The following CSMD1 variants were observed in gnomAD, a reference collection of about 807,000 sequenced individuals.
CSMD1 encodes the protein CUB and sushi domain-containing protein 1.
CSMD1 carries 213 observed loss-of-function variants against 417.5 expected under a neutral mutation model. The observed-to-expected ratio is 0.51, with a 90% CI of 0.46 to 0.57. The LOEUF is 0.57. CSMD1 is among the 20% of genes least tolerant of loss of function. The pLI is 0.00. For synonymous variants in CSMD1, 2,862 were observed against 1,736.8 expected (o/e 1.65, Z -16.11); for missense variants, 6,923 against 4,529.7 (o/e 1.53, Z -15.17).
intron 2 of CSMD1, among the ~76,000 whole-genome samples, chr8:4,620,127 A>G (rs1484146826): frequency 6.6e-6 from 1 of 151,848 alleles, no homozygotes; most frequent in African/African-American, 2.4e-5. Context: ...AGGAGTATAC[A>G]TTTTTCCCTT....
chr8:3,653,622 C>G (rs11995067), intron 7 of CSMD1, among the ~76,000 whole-genome samples: 4 of 152,110 alleles, frequency 2.6e-5, no homozygotes, highest in African/African-American at 7.2e-5. Context: ...TATGGGGATT[C>G]TAAATCATTC....
At chr8:4,214,932 T>C (rs1399373744) in intron 3 of CSMD1, among the ~76,000 whole-genome samples, 1 of 152,194 alleles carries the variant, frequency 6.6e-6, no homozygotes. Context: ...AGCTCACTTT[T>C]AATGAGCACA....
chr8:4,108,998 T>A (rs954053826), intron 3 of CSMD1, among the ~76,000 whole-genome samples: 3 of 152,206 alleles, frequency 2.0e-5, no homozygotes, highest in South Asian at 2.1e-4. Flanking sequence ...CTGGAAAGGA[T>A]TGGTTTCAGG....
intron 5 of CSMD1, among the ~76,000 whole-genome samples, chr8:3,770,838 A>G (rs747922014): frequency 7.2e-5 from 11 of 152,188 alleles, no homozygotes; most frequent in Admixed American, 6.5e-4. Context: ...AAGAAAAGAT[A>G]AAGGAGGAAA....
intron 10 of CSMD1, among the ~76,000 whole-genome samples, chr8:3,561,268 C>A (rs1173624704): frequency 2.0e-5 from 3 of 152,172 alleles, no homozygotes; most frequent in Admixed American, 6.5e-5. Context: ...CTTCACTCAG[C>A]AATTCTACTA....
At chr8:4,785,270 G>C (rs1485401655) in intron 1 of CSMD1, among the ~76,000 whole-genome samples, 1 of 152,188 alleles carries the variant, frequency 6.6e-6, no homozygotes, top group Non-Finnish European at 1.5e-5. Flanking sequence ...ATTGGCAAAG[G>C]TGATTTTCAT....
intron 3 of CSMD1, among the ~76,000 whole-genome samples, chr8:4,262,442 C>A (rs1282638440): frequency 6.6e-6 from 1 of 152,188 alleles, no homozygotes; most frequent in Non-Finnish European, 1.5e-5. Context: ...CTTTCATGTT[C>A]CCCGCGCAGT....
intron 3 of CSMD1, among the ~76,000 whole-genome samples, chr8:4,406,841 TATTAAA>T (rs1805059253): frequency 6.6e-6 from 1 of 152,240 alleles, no homozygotes; most frequent in African/African-American, 2.4e-5. Flanking sequence ...ACAGCAAAAC[TATTAAA>T]ATGTCCACTG....
intron 49 of CSMD1, among the ~76,000 whole-genome samples, chr8:3,072,082 A>G (rs1314320399): frequency 6.6e-6 from 1 of 152,240 alleles, no homozygotes; most frequent in African/African-American, 2.4e-5. Context: ...TTAGAAGAAA[A>G]TCAATAGTAC....
chr8:3,123,105 G>C (rs1817301270), intron 41 of CSMD1, among the ~76,000 whole-genome samples: 1 of 152,184 alleles, frequency 6.6e-6, no homozygotes, highest in African/African-American at 2.4e-5. Flanking sequence ...TGAAAAACTA[G>C]ATGCTTAGAA....
chr8:3,801,833 G>A (rs1024322610), intron 5 of CSMD1, among the ~76,000 whole-genome samples: 1 of 151,980 alleles, frequency 6.6e-6, no homozygotes, highest in African/African-American at 2.4e-5. Context: ...GAATACTGAG[G>A]GACCAGAATC....
At chr8:3,708,756 A>C (rs1333120768) in intron 6 of CSMD1, among the ~76,000 whole-genome samples, 1 of 152,188 alleles carries the variant, frequency 6.6e-6, no homozygotes, top group Non-Finnish European at 1.5e-5. Flanking sequence ...TTACACATCC[A>C]ATCCTATTTA....
At chr8:4,929,504 G>A (rs375965934) in intron 1 of CSMD1, among the ~76,000 whole-genome samples, 1 of 152,118 alleles carries the variant, frequency 6.6e-6, no homozygotes, top group African/African-American at 2.4e-5. Context: ...ATATTTCAGG[G>A]AACTCCTGTC....
At chr8:4,974,292 C>T (rs142248329) in intron 1 of CSMD1, among the ~76,000 whole-genome samples, 2 of 152,120 alleles carry the variant, frequency 1.3e-5, no homozygotes, top group African/African-American at 4.8e-5. Flanking sequence ...TCCCAAAGTG[C>T]TGGGATTACA....
intron 3 of CSMD1, among the ~76,000 whole-genome samples, chr8:4,248,972 A>T (rs1802884003): frequency 6.6e-6 from 1 of 152,186 alleles, no homozygotes; most frequent in Non-Finnish European, 1.5e-5. Context: ...TTAATATCAT[A>T]ATTCAAAACA....
At chr8:3,219,843 G>C (rs777956794) in intron 28 of CSMD1, among the ~76,000 whole-genome samples, 5 of 151,968 alleles carry the variant, frequency 3.3e-5, no homozygotes, top group Non-Finnish European at 7.4e-5. Context: ...TTTTAGTTTT[G>C]AAAATACTGG....
At chr8:4,976,537 C>A (rs925397143) in intron 1 of CSMD1, among the ~76,000 whole-genome samples, 1 of 152,160 alleles carries the variant, frequency 6.6e-6, no homozygotes, top group Admixed American at 6.5e-5. Context: ...GCATTCAATA[C>A]TTACAAAATT....
At chr8:4,585,887 G>T (rs117440043) in intron 2 of CSMD1, among the ~76,000 whole-genome samples, 1 of 152,100 alleles carries the variant, frequency 6.6e-6, no homozygotes, top group Non-Finnish European at 1.5e-5. Context: ...GGAATAAACA[G>T]CAATACAAAA....
At chr8:4,345,334 T>A (rs557053049) in intron 3 of CSMD1, among the ~76,000 whole-genome samples, 1 of 152,114 alleles carries the variant, frequency 6.6e-6, no homozygotes, top group Non-Finnish European at 1.5e-5. Context: ...ATCTTTTCCT[T>A]GCTTGGTTTC....
Sources: allele counts gnomAD v4.1 joint callset (sites outside exome capture counted in the v4.1 genomes callset), GRCh38; gene constraint gnomAD v4.1.1; transcripts MANE v1.5; gene names NCBI Gene and HGNC (gene_info 2026-07-23, HGNC 2026-07-21).